Variants in KSR1 observed in about 807,000 individuals in gnomAD.
KSR1 encodes the protein kinase suppressor of ras.
Under a neutral mutation model 92.9 loss-of-function variants are expected in KSR1, and 35 were observed. The observed-to-expected ratio is 0.38, with a 90% CI of 0.29 to 0.50. The LOEUF (loss-of-function observed/expected upper bound fraction) is 0.50, where lower values mean the gene tolerates loss of function less well. KSR1 is among the 20% of genes least tolerant of loss of function. The probability of loss-of-function intolerance (pLI) is 0.94; values close to 1 mark genes in which losing one functional copy is unlikely to be tolerated. For synonymous variants in KSR1, 467 were observed against 472.6 expected (o/e 0.99, Z 0.15); for missense variants, 972 against 1,158.5 (o/e 0.84, Z 2.34).
chr17:27,467,125 A>T (rs1034154231), intron 1 of KSR1, among the ~76,000 whole-genome samples: 4 of 152,176 alleles, frequency 2.6e-5, no homozygotes, highest in African/African-American at 9.7e-5. Flanking sequence ...GGGTTAAGTG[A>T]CTTTCCCAGA....
Position 27,602,593 on chromosome 17 carries a change from C to G in KSR1, c.1510+1192C>G, listed in dbSNP as rs554848916. Among the ~76,000 whole-genome samples, 140 of 152,320 alleles carry G rather than the reference C, an allele frequency of 9.2e-4. 1 individual carries two copies. The highest frequency in any genetic ancestry group is 3.5e-3 in the South Asian group (17 of 4,830). ...GGATTCAGAGAGGCATTTTGCCTTCCCATCTGGGGTTTGGGGAGAAACCAC... is the reference window on the plus strand; with the variant it reads ...GGATTCAGAGAGGCATTTTGCCTTCGCATCTGGGGTTTGGGGAGAAACCAC... On this transcript the variant is annotated intron_variant, in intron 11 of 20. Transcript: ENST00000644974.
chr17:27,571,151 T>C (rs1270328608), intron 2 of KSR1, among the ~76,000 whole-genome samples: 1 of 152,166 alleles, frequency 6.6e-6, no homozygotes, highest in African/African-American at 2.4e-5. Context: ...GAGGGGGTTT[T>C]GTTTGCCTTG....
intron 1 of KSR1, among the ~76,000 whole-genome samples, chr17:27,537,947 A>T (rs2070811399): frequency 6.6e-6 from 1 of 152,264 alleles, no homozygotes; most frequent in South Asian, 2.1e-4. Flanking sequence ...CTTGACAAAT[A>T]TCTCCTAGAT....
intron 1 of KSR1, among the ~76,000 whole-genome samples, chr17:27,491,584 CTG>C (rs985896885): frequency 5.9e-5 from 9 of 152,082 alleles, no homozygotes; most frequent in African/African-American, 2.2e-4. Context: ...AGAGGGGAAA[CTG>C]GTGTTTTTTA....
At chr17:27,496,276 G>A (rs2068982129) in intron 1 of KSR1, among the ~76,000 whole-genome samples, 1 of 152,172 alleles carries the variant, frequency 6.6e-6, no homozygotes, top group Non-Finnish European at 1.5e-5. Context: ...GAGCCATGAT[G>A]CTGCTTTTGT....
chr17:27,580,215 C>G (rs2072696736), intron 3 of KSR1, among the ~76,000 whole-genome samples: 1 of 152,184 alleles, frequency 6.6e-6, no homozygotes, highest in Admixed American at 6.5e-5. Context: ...TCATGAAATT[C>G]ATCCTTTCAT....
At chr17:27,484,404 A>G (rs995835538) in intron 1 of KSR1, among the ~76,000 whole-genome samples, 1 of 152,228 alleles carries the variant, frequency 6.6e-6, no homozygotes, top group Non-Finnish European at 1.5e-5. Context: ...GCTAATTTCT[A>G]TATTTTTGGT....
chr17:27,476,295 G>A (rs974246076), intron 1 of KSR1, among the ~76,000 whole-genome samples: 19 of 152,282 alleles, frequency 1.2e-4, no homozygotes, highest in African/African-American at 3.9e-4. Flanking sequence ...TCTGCAGGGC[G>A]CTTGTTGAGC....
At chr17:27,461,053 G>C (rs2019409082) in intron 1 of KSR1, among the ~76,000 whole-genome samples, 1 of 151,980 alleles carries the variant, frequency 6.6e-6, no homozygotes, top group Admixed American at 6.6e-5. Flanking sequence ...CAACCTCCTG[G>C]TTTTTTTGTT....
chr17:27,537,984 AC>A (rs956970878), intron 1 of KSR1, among the ~76,000 whole-genome samples: 18 of 152,378 alleles, frequency 1.2e-4, no homozygotes, highest in African/African-American at 4.3e-4. Context: ...AAACAAACAG[AC>A]AAAAAGATTG....
chr17:27,585,001 A>G (rs139387590), intron 4 of KSR1, among the ~76,000 whole-genome samples: 49 of 152,246 alleles, frequency 3.2e-4, no homozygotes, highest in African/African-American at 1.1e-3. Context: ...CAGTGGCGCA[A>G]TCTCGGCTCA....
chr17:27,613,915 G>A (rs748624629), intron 18 of KSR1, among the ~76,000 whole-genome samples: 14 of 152,174 alleles, frequency 9.2e-5, no homozygotes, highest in Non-Finnish European at 1.3e-4. Context: ...GTGATCTCCC[G>A]CCTCAGCCTC....
intron 1 of KSR1, among the ~76,000 whole-genome samples, chr17:27,517,844 G>A (rs1387296855): frequency 6.6e-6 from 1 of 152,176 alleles, no homozygotes; most frequent in African/African-American, 2.4e-5. Context: ...ATGTAATTGT[G>A]GGGGTTGTAA....
chr17:27,534,567 G>A (rs546220674), intron 1 of KSR1, among the ~76,000 whole-genome samples: 1 of 152,248 alleles, frequency 6.6e-6, no homozygotes, highest in Non-Finnish European at 1.5e-5. Context: ...ACCCGGGTCT[G>A]TTGGCCTCTA....
chr17:27,558,958 CAT>C (rs895719871), intron 2 of KSR1, among the ~76,000 whole-genome samples: 7 of 152,194 alleles, frequency 4.6e-5, no homozygotes, highest in Non-Finnish European at 1.0e-4. Flanking sequence ...CTTAGGAAAA[CAT>C]ACGTGGATCG....
chr17:27,549,016 T>C (rs891387278), intron 1 of KSR1, among the ~76,000 whole-genome samples: 3 of 152,210 alleles, frequency 2.0e-5, no homozygotes, highest in African/African-American at 7.2e-5. Flanking sequence ...CTTTGGAGCA[T>C]CATGTCAGTG....
chr17:27,534,756 C>T (rs778235845), intron 1 of KSR1, among the ~76,000 whole-genome samples: 3 of 152,172 alleles, frequency 2.0e-5, no homozygotes, highest in Non-Finnish European at 2.9e-5. Flanking sequence ...GGGATAACTG[C>T]GTTGTCTTTA....
At chr17:27,542,970 G>C (rs2071022134) in intron 1 of KSR1, among the ~76,000 whole-genome samples, 1 of 152,192 alleles carries the variant, frequency 6.6e-6, no homozygotes, top group South Asian at 2.1e-4. Flanking sequence ...TCTCGCAGAG[G>C]AGATGGGACC....
Position 27,459,067 on chromosome 17 carries a change from T to C in KSR1, c.231+2193T>C, listed in dbSNP as rs1190700284. 6.6e-6 allele frequency among the ~76,000 whole-genome samples: 1 copy of C among 152,206 alleles called. No individual in the cohort carries two copies. The highest frequency in any genetic ancestry group is 2.4e-5 in the African/African-American group (1 of 41,458). ...ACCCATAACATAGGGGTTAAGTTTATTAGAAGAATCTTTGCCATAGGAGCA... is the reference window on the plus strand; with the variant it reads ...ACCCATAACATAGGGGTTAAGTTTACTAGAAGAATCTTTGCCATAGGAGCA... On this transcript the variant is annotated intron_variant, in intron 1 of 20. Transcript: ENST00000644974. The surrounding 1 kb of genome is among the most constrained non-coding windows in gnomAD (Gnocchi z 4.6).
Sources: allele counts gnomAD v4.1 joint callset (sites outside exome capture counted in the v4.1 genomes callset), GRCh38; gene constraint gnomAD v4.1.1; non-coding constraint Gnocchi (gnomAD v3.1); transcripts MANE v1.5; gene names NCBI Gene and HGNC (gene_info 2026-07-23, HGNC 2026-07-21).